Variants in CLN3 observed in about 807,000 individuals in gnomAD.
CLN3 encodes battenin.
CLN3 carries 49 observed loss-of-function variants against 60.7 expected under a neutral mutation model. That is an observed-to-expected ratio of 0.81 (90% CI 0.64 to 1.02). CLN3 has a LOEUF of 1.02. Among genes scored for constraint, CLN3 ranks in the 50% least tolerant of loss-of-function variants. The pLI is 0.00. For missense variants in CLN3, 516 were observed against 557.4 expected (o/e 0.93, Z 0.75); for synonymous variants, 256 against 245.8 (o/e 1.04, Z -0.39).
chr16:28,488,095 T>TA (rs1228114142), intron 5 of CLN3: 1 of 258,576 alleles, frequency 3.9e-6, no homozygotes, highest in Non-Finnish European at 7.7e-6. Flanking sequence ...GGCTGGAGTG[T>TA]AGTGGCTCGA....
intron 14 of CLN3, among the ~76,000 whole-genome samples, chr16:28,481,342 C>A (rs2046087271): frequency 6.6e-6 from 1 of 151,414 alleles, no homozygotes; most frequent in Non-Finnish European, 1.5e-5. Context: ...CTCAAATGAT[C>A]CACCTGCCTC....
chr16:28,473,083 A>G (rs931252733), downstream of CLN3, among the ~76,000 whole-genome samples: 7 of 152,140 alleles, frequency 4.6e-5, no homozygotes, highest in Admixed American at 1.3e-4. Flanking sequence ...GAGTACAGGC[A>G]CGCAGCACTA....
intron 9 of CLN3, among the ~76,000 whole-genome samples, chr16:28,485,838 A>G (rs976337801): frequency 7.2e-5 from 11 of 152,020 alleles, no homozygotes; most frequent in Admixed American, 7.2e-4. Context: ...GGGGAAACTG[A>G]GGGTTCAGAG....
At chr16:28,489,246 CCCACAGGGACTAA>C in intron 4 of CLN3, 31 bp downstream of exon 4, 1 of 1,485,280 alleles carries the variant, frequency 6.7e-7, no homozygotes, top group Non-Finnish European at 9.3e-7. Flanking sequence ...CCCTCATCTT[CCCACAGGGACTAA>C]CCATGGTGGT....
At position 28,491,734 on chromosome 16, in the gene CLN3, C is replaced by T; in HGVS notation, c.26G>A (p.Arg9Gln). The part of the protein sequence containing the change: MGGCAGSR[R>Q]RFSDSEGEET... ...CTCACCCTCGGAATCCGAAAAGCGC[C>T]GCCGCGAGCCTGCACAGCCTCCCAT... Residue 9 changes from arginine (R) to glutamine (Q), a missense_variant, in exon 2 of 16, where the codon CGG becomes CAG. By Grantham distance (43) the Arg-to-Gln change is conservative (BLOSUM62 1). Transcript: ENST00000636147. 2 of 1,613,968 alleles carry T rather than the reference C, an allele frequency of 1.2e-6. No homozygotes were observed. Among genetic ancestry groups the T allele is most frequent in the Non-Finnish European group, 1.7e-6 (2 of 1,179,994 alleles).
downstream of CLN3, among the ~76,000 whole-genome samples, chr16:28,471,948 T>G (rs1223214342): frequency 1.3e-5 from 2 of 152,126 alleles, no homozygotes; most frequent in Non-Finnish European, 2.9e-5. Flanking sequence ...GAGAATCACT[T>G]GAACCTGGAA....
Position 28,484,041 on chromosome 16 carries a change from G to A in CLN3, c.755C>T (p.Pro252Leu), listed in dbSNP as rs761065339. 3.7e-6 allele frequency: 6 copies of A among 1,611,998 alleles called. 1 individual carries two copies. In the South Asian group the frequency reaches 4.4e-5, roughly 12 times the overall value. The change falls in exon 10 of 16, where the codon CCC (proline) becomes CTC (leucine). Residue 252 changes from proline to leucine, a missense_variant. Coordinates refer to ENST00000636147, the MANE Select transcript of CLN3 (RefSeq NM_001042432.2). ...EEEAESAARQ[P>L]LIRTEAPESK... Reference sequence around the variant, plus strand: ...CTCCGGGGCCTCGGTTCTTATGAGGGGCTGCCGGGCTGCGCTCTCTGCTTC... The same window carrying A: ...CTCCGGGGCCTCGGTTCTTATGAGGAGCTGCCGGGCTGCGCTCTCTGCTTC...
rs143833407 is a variant in CLN3 at position 28,481,965 on chromosome 16, C to T, written c.1056+140G>A. The T allele has an allele frequency of 8.1e-3, 5,108 of 628,652 alleles. 208 individuals are homozygous for T. In the African/African-American group the frequency reaches 0.088, roughly 11 times the overall value. The allele number at this position is 628,652 out of a possible 1,614,324, so 38.9% of individuals were successfully genotyped here. On this transcript the variant is annotated intron_variant, in intron 14 of 15. Transcript: ENST00000636147. ...TTGCGCTACTGCACTCCAGCCTGGA[C>T]GACAGAGCGAGACTCTGTCTCAAAA...
At chr16:28,490,415 G>C (rs1169271445) in intron 3 of CLN3, 1 of 147,128 alleles carries the variant, frequency 6.8e-6, no homozygotes, top group Non-Finnish European at 1.5e-5. Context: ...CTGCTCTCCA[G>C]CCTGGGTGAT....
At chr16:28,482,726 G>C (rs971355398) in intron 10 of CLN3, 54 bp from the exon 11 acceptor site, 1 of 1,580,646 alleles carries the variant, frequency 6.3e-7, no homozygotes, top group Non-Finnish European at 8.7e-7. Context: ...TGAAGACTCG[G>C]CAAAGAGGCA....
At chr16:28,480,098 T>A (rs894231098) in intron 14 of CLN3, among the ~76,000 whole-genome samples, 84 of 151,980 alleles carry the variant, frequency 5.5e-4, no homozygotes, top group African/African-American at 2.0e-3. Context: ...GTAGCTGGGA[T>A]TACAGGTGAA....
intron 14 of CLN3, 22 bp downstream of exon 14, chr16:28,482,083 G>C (rs1401240892): frequency 1.3e-5 from 21 of 1,595,280 alleles, no homozygotes; most frequent in Admixed American, 3.4e-5. Context: ...TGGGAGTGAA[G>C]TGAGGGGCAG....
rs765456229 is a variant in CLN3, at chr16:28,477,731, G to A, written c.1197+6C>T. 5 of 1,614,164 alleles carry A rather than the reference G, an allele frequency of 3.1e-6. No individual in the cohort carries two copies. Among genetic ancestry groups the A allele is most frequent in the Non-Finnish European group, 4.2e-6 (5 of 1,180,042 alleles). On this transcript the variant is annotated splice_donor_region_variant and intron_variant, in intron 15 of 15. Coordinates refer to ENST00000636147, the MANE Select transcript of CLN3 (RefSeq NM_001042432.2). Reference sequence around the variant, plus strand: ...CACCCCCAGCCCTTGCCCGGCCAATGCTGACCTCCAGGGCGATGTTGTGGA... The same window carrying A: ...CACCCCCAGCCCTTGCCCGGCCAATACTGACCTCCAGGGCGATGTTGTGGA...
Position 28,492,034 on chromosome 16 carries a change from G to A in CLN3, c.-91C>T. On this transcript the variant is annotated 5_prime_UTR_variant, in exon 1 of 16. Coordinates refer to ENST00000636147, the MANE Select transcript of CLN3 (RefSeq NM_001042432.2). ...GAGGCCTGTACCTTTAAGAGCAGCAGAATGTTCTGCACTATGCAGAGGCCG... is the reference window on the plus strand; with the variant it reads ...GAGGCCTGTACCTTTAAGAGCAGCAAAATGTTCTGCACTATGCAGAGGCCG... The A allele has an allele frequency of 6.9e-6, 4 of 580,944 alleles. No individual in the cohort carries two copies. Among genetic ancestry groups the A allele is most frequent in the South Asian group, 6.0e-5 (3 of 50,324 alleles). The allele number at this position is 580,944 out of a possible 1,614,324, so 36.0% of individuals were successfully genotyped here.
intron 15 of CLN3, 21 bp downstream of exon 15, chr16:28,477,716 C>T (rs1380464702): frequency 2.5e-6 from 4 of 1,614,012 alleles, no homozygotes; most frequent in Non-Finnish European, 3.4e-6. Context: ...CACCCCCAGC[C>T]CTTGCCCGGC....
intron 10 of CLN3, among the ~76,000 whole-genome samples, chr16:28,483,410 C>T (rs771858550): frequency 4.6e-5 from 7 of 151,902 alleles, no homozygotes; most frequent in East Asian, 3.9e-4. Flanking sequence ...TTAGTAGAGA[C>T]GGGGTTTTAC....
chr16:28,484,008 G>T lies in CLN3; in HGVS notation c.788C>A (p.Pro263Gln). The change falls in exon 10 of 16, where the codon CCA (proline) becomes CAA (glutamine). Residue 263 changes from proline to glutamine, a missense_variant and splice_region_variant. Coordinates refer to ENST00000636147, the MANE Select transcript of CLN3 (RefSeq NM_001042432.2). Reference sequence around the variant, plus strand: ...CTCTGAGGGTCTGTGTCTCCTACCTGGCTTCGACTCCGGGGCCTCGGTTCT... The same window carrying T: ...CTCTGAGGGTCTGTGTCTCCTACCTTGCTTCGACTCCGGGGCCTCGGTTCT... ...LIRTEAPESKPGSSSSLSLRE... is the reference protein window; with the variant it reads ...LIRTEAPESKQGSSSSLSLRE... 1 of 1,605,400 alleles carries T rather than the reference G, an allele frequency of 6.2e-7. No individual in the cohort carries two copies. The highest frequency in any genetic ancestry group is 8.5e-7 in the Non-Finnish European group (1 of 1,175,698).
At chr16:28,488,720 C>A in intron 4 of CLN3, 58 bp from the exon 5 acceptor site, 1 of 1,541,790 alleles carries the variant, frequency 6.5e-7, no homozygotes, top group South Asian at 1.1e-5. Flanking sequence ...CACACAGAGC[C>A]TGGCTCCCGT....
At chr16:28,484,523 C>T (rs968885642) in intron 9 of CLN3, 4 of 236,684 alleles carry the variant, frequency 1.7e-5, no homozygotes, top group Admixed American at 5.2e-5. Context: ...TCATATTTTC[C>T]ATTTTTTGTA....
Sources: allele counts gnomAD v4.1 joint callset (sites outside exome capture counted in the v4.1 genomes callset), GRCh38; gene constraint gnomAD v4.1.1; transcripts MANE v1.5; gene names NCBI Gene and HGNC (gene_info 2026-07-23, HGNC 2026-07-21).